The following BIRC6 variants were observed in gnomAD, a reference collection of about 807,000 sequenced individuals.
The protein encoded by BIRC6 is dual E2 ubiquitin-conjugating enzyme/E3 ubiquitin-protein ligase BIRC6.
BIRC6 carries 98 observed loss-of-function variants against 503.3 expected under a neutral mutation model. That is an observed-to-expected ratio of 0.19 (90% CI 0.17 to 0.23). The LOEUF (loss-of-function observed/expected upper bound fraction) is 0.23, where lower values mean the gene tolerates loss of function less well. BIRC6 is among the 10% of genes least tolerant of loss of function. BIRC6 has a pLI of 1.00. For missense variants in BIRC6, 5,360 were observed against 5,806.0 expected (o/e 0.92, Z 2.50); for synonymous variants, 2,240 against 2,078.7 (o/e 1.08, Z -2.11).
rs1205687623 is a variant in BIRC6 at position 32,433,663 on chromosome 2, G to A, written c.3268G>A (p.Val1090Ile). ...QTDSNSWDEH[V>I]FELVLPKACM... ...TGACAGCAACAGCTGGGATGAACATGTATTTGAATTAGTACTACCTAAAGC... is the reference window on the plus strand; with the variant it reads ...TGACAGCAACAGCTGGGATGAACATATATTTGAATTAGTACTACCTAAAGC... Residue 1090 changes from valine (V) to isoleucine (I), a missense_variant, in exon 13 of 74, where the codon GTA becomes ATA. By Grantham distance (29) the Val-to-Ile change is conservative. Around this residue, in one of 16 missense-constraint regions of BIRC6, gnomAD observed 2,299 missense variants for 2,267.2 expected, o/e 1.01. Transcript: ENST00000421745. 2 of 1,567,512 alleles carry A rather than the reference G, an allele frequency of 1.3e-6. No homozygotes were observed. The highest frequency in any genetic ancestry group is 1.3e-5 in the African/African-American group (1 of 74,472).
At chr2:32,459,391 GGTTTT>G (rs1235448215) in intron 23 of BIRC6, among the ~76,000 whole-genome samples, 2 of 152,076 alleles carry the variant, frequency 1.3e-5, no homozygotes, top group Admixed American at 6.5e-5. Context: ...TGTTTGTGTA[GGTTTT>G]GTTTTGTTTT....
At chr2:32,595,972 A>T (rs1422355693) in intron 68 of BIRC6, among the ~76,000 whole-genome samples, 2 of 152,154 alleles carry the variant, frequency 1.3e-5, no homozygotes, top group African/African-American at 4.8e-5. Flanking sequence ...ACTTCACTCT[A>T]AGTAATAATA....
At chr2:32,514,513 G>T (rs2149690017) in intron 54 of BIRC6, among the ~76,000 whole-genome samples, 1 of 152,294 alleles carries the variant, frequency 6.6e-6, no homozygotes, top group South Asian at 2.1e-4. Flanking sequence ...ATAAAAAGTA[G>T]GCCTATTGTT....
intron 61 of BIRC6, among the ~76,000 whole-genome samples, chr2:32,541,150 A>G (rs1284848310): frequency 1.3e-5 from 2 of 152,056 alleles, no homozygotes. Context: ...TTCTGTAACA[A>G]TGTTCTATTA....
At position 32,446,562 on chromosome 2, in the gene BIRC6, C is replaced by T. The variant is rs147023765; in HGVS notation, c.4484+894C>T. The stretch of plus-strand genomic sequence containing the variant: ...AATGATTCACGGGAGAGAATGGTGC[C>T]TGATACCCCTCGCTTCAATCTGCAG... On this transcript the variant is annotated intron_variant, in intron 21 of 73. Transcript: ENST00000421745. Among the ~76,000 whole-genome samples, 547 of 152,062 alleles carry T rather than the reference C, an allele frequency of 3.6e-3. 6 individuals carry two copies. The highest frequency in any genetic ancestry group is 0.013 in the African/African-American group (525 of 41,478).
In BIRC6 at chr2:32,561,721, A is replaced by ATG. The variant is rs1373005615; in HGVS notation, c.13144+12242_13144+12243dup. On this transcript the variant is annotated intron_variant, in intron 65 of 73. Transcript: ENST00000421745. ...TATATGAAGAAATAATGCTTTAATC[A>ATG]TGTATATATATATATATATTTATTT... 5.9e-4 allele frequency among the ~76,000 whole-genome samples: 86 copies of ATG among 145,758 alleles called. 1 individual carries two copies. The highest frequency in any genetic ancestry group is 3.5e-3 in the Middle Eastern group (1 of 284).
intron 53 of BIRC6, among the ~76,000 whole-genome samples, chr2:32,511,186 TTTTTC>T (rs1558932840): frequency 2.7e-5 from 4 of 148,982 alleles, no homozygotes; most frequent in South Asian, 2.1e-4. Flanking sequence ...TTTAGTGATT[TTTTTC>T]TTTTCTTTTC....
intron 31 of BIRC6, 147 bp downstream of exon 31, chr2:32,470,448 C>T (rs779960059): frequency 1.6e-5 from 12 of 755,164 alleles, no homozygotes; most frequent in Non-Finnish European, 2.2e-5. Flanking sequence ...GAGCAACCCT[C>T]ATGTGATTGA....
chr2:32,537,339 C>T (rs1244302004), intron 61 of BIRC6, among the ~76,000 whole-genome samples: 1 of 152,074 alleles, frequency 6.6e-6, no homozygotes, highest in East Asian at 1.9e-4. Flanking sequence ...ACACCTATTC[C>T]AAAATTGACC....
chr2:32,507,822 G>C (rs1376028445), intron 50 of BIRC6, among the ~76,000 whole-genome samples, 158 bp from the exon 51 acceptor site: 2 of 152,168 alleles, frequency 1.3e-5, no homozygotes, highest in African/African-American at 4.8e-5. Context: ...TAATTATGGT[G>C]AAAGTCATTG....
chr2:32,547,767 T>A, intron 63 of BIRC6, 83 bp from the exon 64 acceptor site: 1 of 1,246,828 alleles, frequency 8.0e-7, no homozygotes. Context: ...AGTAGCTTCA[T>A]CATTTTACTT....
At chr2:32,373,118 ATTG>A (rs1281050952) in intron 1 of BIRC6, among the ~76,000 whole-genome samples, 2 of 152,190 alleles carry the variant, frequency 1.3e-5, no homozygotes, top group Non-Finnish European at 2.9e-5. Context: ...CTATCTTTAT[ATTG>A]TTAAGATATC....
In BIRC6 at chr2:32,429,277, T is replaced by G; in HGVS notation, c.3004T>G (p.Ser1002Ala). 1 of 1,518,220 alleles carries G rather than the reference T, an allele frequency of 6.6e-7. No homozygotes were observed. The highest frequency in any genetic ancestry group is 8.8e-7 in the Non-Finnish European group (1 of 1,136,674). 94.0% of individuals were successfully genotyped at this position (1,518,220 alleles called of 1,614,324 possible). Residue 1002 changes from serine (S) to alanine (A), a missense_variant, in exon 11 of 74, where the codon TCA becomes GCA. Physicochemically the swap from Ser to Ala is moderately conservative, Grantham distance 99. Around this residue, in one of 16 missense-constraint regions of BIRC6, gnomAD observed 700 missense variants for 739.3 expected, o/e 0.95. Coordinates refer to ENST00000421745, the MANE Select transcript of BIRC6 (RefSeq NM_016252.4). ...SEGSKPLSNP[S>A]SPGISGVDLL... Reference sequence around the variant, plus strand: ...AGGTTCCAAACCTTTATCAAATCCTTCAAGTCCTGGCATTTCAGGTATGAT... The same window carrying G: ...AGGTTCCAAACCTTTATCAAATCCTGCAAGTCCTGGCATTTCAGGTATGAT...
chr2:32,589,896 C>T (rs1055216344), intron 66 of BIRC6, among the ~76,000 whole-genome samples: 3 of 152,102 alleles, frequency 2.0e-5, no homozygotes, highest in African/African-American at 7.2e-5. Flanking sequence ...CTTCTTATAA[C>T]TATTTTAAGT....
intron 65 of BIRC6, 128 bp from the exon 66 acceptor site, chr2:32,575,028 C>G: frequency 2.1e-6 from 2 of 969,588 alleles, no homozygotes; most frequent in Non-Finnish European, 3.2e-6. Flanking sequence ...GATTACAGGC[C>G]TGAACCAGCG....
chr2:32,482,859 G>T (rs1389699291), intron 39 of BIRC6, among the ~76,000 whole-genome samples: 1 of 151,676 alleles, frequency 6.6e-6, no homozygotes, highest in Non-Finnish European at 1.5e-5. Context: ...GACTTTAATA[G>T]TAAACTTGTA....
chr2:32,553,244 C>T (rs1337645006), intron 65 of BIRC6, among the ~76,000 whole-genome samples: 1 of 121,164 alleles, frequency 8.3e-6, no homozygotes, highest in Non-Finnish European at 1.7e-5. Context: ...AGATAAATTC[C>T]TGATATTTCA....
chr2:32,402,686 T>G (rs2040733323), intron 8 of BIRC6, among the ~76,000 whole-genome samples: 1 of 152,224 alleles, frequency 6.6e-6, no homozygotes, highest in Admixed American at 6.5e-5. Context: ...AGCTTAACTG[T>G]TGTCTGAGTT....
intron 13 of BIRC6, among the ~76,000 whole-genome samples, chr2:32,434,565 A>G (rs2044479653): frequency 6.6e-6 from 1 of 152,218 alleles, no homozygotes; most frequent in Admixed American, 6.5e-5. Flanking sequence ...AAATAGTATT[A>G]GACCACATGT....
Sources: allele counts gnomAD v4.1 joint callset (sites outside exome capture counted in the v4.1 genomes callset), GRCh38; gene constraint gnomAD v4.1.1; regional missense constraint gnomAD v4.1.1; transcripts MANE v1.5; gene names NCBI Gene and HGNC (gene_info 2026-07-23, HGNC 2026-07-21).